TPTE2: variants seen among roughly 807,000 people sequenced by gnomAD.
The protein encoded by TPTE2 is transmembrane phosphoinositide 3-phosphatase and tensin homolog 2.
TPTE2 carries 53 observed loss-of-function variants against 78.6 expected under a neutral mutation model. That is an observed-to-expected ratio of 0.67 (90% CI 0.54 to 0.85). The LOEUF is 0.85. Among genes scored for constraint, TPTE2 ranks in the 40% least tolerant of loss-of-function variants. TPTE2 has a pLI of 0.00. For missense variants in TPTE2, 461 were observed against 623.0 expected, an observed-to-expected ratio of 0.74 and a Z score of 2.77; for synonymous variants, 175 against 206.2, an observed-to-expected ratio of 0.85 and a Z score of 1.30.
the TPTE2 span, among the ~76,000 whole-genome samples, chr13:19,552,235 C>A: frequency 3.9e-5 from 6 of 152,182 alleles, no homozygotes; most frequent in South Asian, 1.0e-3. Context: ...AATCTCATAC[C>A]CCTTATTCAA....
At chr13:19,438,012 T>C (rs1048957591) in intron 14 of TPTE2, 80 bp downstream of exon 17, 1 of 1,563,610 alleles carries the variant, frequency 6.4e-7, no homozygotes, top group Non-Finnish European at 8.7e-7. Context: ...CAAATAATCA[T>C]CTTAACGTCC....
intron 17 of TPTE2, among the ~76,000 whole-genome samples, chr13:19,428,354 A>G (rs1481707744): frequency 6.6e-6 from 1 of 152,166 alleles, no homozygotes; most frequent in Non-Finnish European, 1.5e-5. Flanking sequence ...AGGCGGAGGC[A>G]GGAGAATCGC....
intron 10 of TPTE2, among the ~76,000 whole-genome samples, chr13:19,460,431 G>A (rs1407575901): frequency 6.6e-6 from 1 of 152,214 alleles, no homozygotes; most frequent in African/African-American, 2.4e-5. Flanking sequence ...CTCAGTTGAA[G>A]GTGCTGAATT....
intron 1 of TPTE2, among the ~76,000 whole-genome samples, chr13:19,511,741 A>G (rs1379470990): frequency 1.3e-5 from 2 of 152,204 alleles, no homozygotes; most frequent in Admixed American, 6.5e-5. Context: ...GAAGGATTGT[A>G]ATTCATTGAA....
intron 1 of TPTE2, among the ~76,000 whole-genome samples, chr13:19,499,576 A>T (rs1175989215): frequency 6.9e-6 from 1 of 145,418 alleles, no homozygotes; most frequent in African/African-American, 2.6e-5. Context: ...ATGAAGGCAG[A>T]AATAAAGATG....
intron 3 of TPTE2, among the ~76,000 whole-genome samples, chr13:19,489,146 T>C: frequency 6.6e-6 from 1 of 152,156 alleles, no homozygotes; most frequent in East Asian, 1.9e-4. Flanking sequence ...TGGTTCGTGT[T>C]GCCCCAAAAC....
chr13:19,535,467 T>C lies in TPTE2; in HGVS notation c.-44+1129A>G, dbSNP rs963411001. On this transcript the variant is annotated intron_variant, in intron 1 of 17. Transcript: ENST00000390680. This position sits in a 1 kb window ranked among gnomAD's most constrained non-coding sequence, Gnocchi z 5.1. ...TTTTAAAACACCAATGGTCATCCCC[T>C]AAGAGGGTAAATGCACCTGCCTTTT... is the stretch of plus-strand genomic sequence containing the variant. 4.6e-5 allele frequency among the ~76,000 whole-genome samples: 7 copies of C among 151,776 alleles called. No individual in the cohort carries two copies. Among genetic ancestry groups the C allele is most frequent in the African/African-American group, 1.7e-4 (7 of 41,362 alleles).
Position 19,486,470 on chromosome 13 carries a change from G to A in TPTE2, c.120-3923C>T, listed in dbSNP as rs1037977443. Among the ~76,000 whole-genome samples, 2 of 152,180 alleles carry A rather than the reference G, an allele frequency of 1.3e-5. No homozygotes were observed. Among genetic ancestry groups the A allele is most frequent in the African/African-American group, 4.8e-5 (2 of 41,458 alleles). ...GCCATGGTGCTGTCACTCTAGCCAG[G>A]AGCATGGGGATGCAGTTGCTCAACC... On this transcript the variant is annotated intron_variant, in intron 3 of 19. Transcript: ENST00000400230. This position sits in a 1 kb window ranked among gnomAD's most constrained non-coding sequence, Gnocchi z 4.3.
intron 1 of TPTE2, 110 bp from the exon 5 acceptor site, chr13:19,493,611 T>G: frequency 1.0e-6 from 1 of 966,814 alleles, no homozygotes; most frequent in Non-Finnish European, 1.7e-6. Flanking sequence ...TTTCTGACTA[T>G]TCATGTATAC....
intron 1 of TPTE2, among the ~76,000 whole-genome samples, chr13:19,496,811 C>T (rs1483652615): frequency 1.3e-5 from 2 of 152,174 alleles, no homozygotes; most frequent in African/African-American, 2.4e-5. Context: ...GATGGCCGAA[C>T]AGGAACAGCT....
In TPTE2 at chr13:19,423,174, G is replaced by GA. The variant is rs534232034; in HGVS notation, c.1467-11dup. On this transcript the variant is annotated splice_polypyrimidine_tract_variant and intron_variant, in intron 19 of 19. Transcript: ENST00000400230. Reference sequence around the variant, plus strand: ...TCTTGGTAGACAAAGCCTAAGAATAGAAAAAAAAAATTACATTTTATATTG... The same window carrying GA: ...TCTTGGTAGACAAAGCCTAAGAATAGAAAAAAAAAAATTACATTTTATATTG... 5.5e-3 allele frequency: 8,179 copies of GA among 1,479,598 alleles called. 5 individuals are homozygous for GA. Among genetic ancestry groups the GA allele is most frequent in the Admixed American group, 0.011 (538 of 49,394 alleles). The allele number at this position is 1,479,598 out of a possible 1,614,324, so 91.7% of individuals were successfully genotyped here.
Position 19,533,592 on chromosome 13 carries a change from G to A in TPTE2, c.-44+3004C>T, listed in dbSNP as rs564036719. The stretch of plus-strand genomic sequence containing the variant: ...TTCTGACAAGCATGTGGAAAGAGAC[G>A]GATACTATTTTTGAAGCAAGTAGTA... On this transcript the variant is annotated intron_variant, in intron 1 of 17. Transcript: ENST00000390680. Among the ~76,000 whole-genome samples the A allele has an allele frequency of 4.6e-5, 7 of 152,250 alleles. No individual in the cohort carries two copies. The South Asian group carries it at 6.2e-4, about 14-fold the overall frequency.
Position 19,430,563 on chromosome 13 carries a change from G to T in TPTE2, c.1223-16C>A. ...CATACATCACCTGTTCCAACAAAAT[G>T]AAATTAAAAAGTTAGGTTGGTTAGC... On this transcript the variant is annotated splice_polypyrimidine_tract_variant and intron_variant, in intron 16 of 19. Coordinates refer to ENST00000400230, the Ensembl canonical transcript of TPTE2. 6.3e-7 allele frequency: 1 copy of T among 1,594,194 alleles called. No homozygotes were observed.
intron 13 of TPTE2, among the ~76,000 whole-genome samples, chr13:19,443,737 TACACACACACAC>T (rs373060672): frequency 5.4e-5 from 7 of 129,772 alleles, no homozygotes; most frequent in Admixed American, 1.5e-4. Flanking sequence ...TGGTAGCTAA[TACACACACACAC>T]ACACACACAC....
At chr13:19,427,439 C>T (rs1876215493) in intron 17 of TPTE2, among the ~76,000 whole-genome samples, 1 of 151,956 alleles carries the variant, frequency 6.6e-6, no homozygotes, top group South Asian at 2.1e-4. Context: ...TTCCATTAGA[C>T]TTTAATCAAT....
intron 1 of TPTE2, among the ~76,000 whole-genome samples, chr13:19,533,019 T>C (rs1352672691): frequency 1.3e-5 from 2 of 152,232 alleles, no homozygotes; most frequent in South Asian, 2.1e-4. Context: ...GCATAGCACA[T>C]AGCAGAGCTC....
At chr13:19,555,804 T>C in the TPTE2 span, among the ~76,000 whole-genome samples, 2 of 19,876 alleles carry the variant, frequency 1.0e-4, no homozygotes, top group African/African-American at 1.6e-4. Flanking sequence ...AACAAATTTC[T>C]TTTTTTTTTT....
At chr13:19,511,090 T>C (rs1244337523) in intron 1 of TPTE2, among the ~76,000 whole-genome samples, 2 of 152,216 alleles carry the variant, frequency 1.3e-5, no homozygotes, top group South Asian at 4.1e-4. Context: ...TGCAGTCTCA[T>C]GGCCCATCAA....
At chr13:19,501,901 G>A (rs1249095276) in intron 1 of TPTE2, among the ~76,000 whole-genome samples, 1 of 150,926 alleles carries the variant, frequency 6.6e-6, no homozygotes, top group Non-Finnish European at 1.5e-5. Context: ...CTACTCATCT[G>A]ATAAAGGGCT....
Sources: allele counts gnomAD v4.1 joint callset (sites outside exome capture counted in the v4.1 genomes callset), GRCh38; gene constraint gnomAD v4.1.1; non-coding constraint Gnocchi (gnomAD v3.1); transcripts MANE v1.5; gene names NCBI Gene and HGNC (gene_info 2026-07-23, HGNC 2026-07-21).